GRIK4: variants seen among roughly 807,000 people sequenced by gnomAD.
GRIK4 encodes glutamate ionotropic receptor kainate type subunit 4, also known as glutamate receptor ionotropic, kainate 4.
In GRIK4, 40 loss-of-function variants were observed where a neutral mutation model predicts 104.9. The observed-to-expected ratio is 0.38, with a 90% CI of 0.30 to 0.50. The LOEUF (loss-of-function observed/expected upper bound fraction) is 0.50, where lower values mean the gene tolerates loss of function less well. GRIK4 is among the 20% of genes least tolerant of loss of function. GRIK4 has a pLI of 0.93. For missense variants in GRIK4, 1,047 were observed against 1,308.1 expected (o/e 0.80, Z 3.08); for synonymous variants, 485 against 524.9 (o/e 0.92, Z 1.04).
At chr11:120,730,985 A>G (rs1367811704) in intron 3 of GRIK4, among the ~76,000 whole-genome samples, 1 of 152,162 alleles carries the variant, frequency 6.6e-6, no homozygotes, top group East Asian at 1.9e-4. Flanking sequence ...GTTTTTCCAA[A>G]TGCAAGATCA....
chr11:120,710,184 T>G lies in GRIK4; in HGVS notation c.82+49784T>G, dbSNP rs1319612347. ...AGGTTCCCTGTATTCCAATTAATCT[T>G]TCTAGTAACTCGGAGAAATAGGTAG... is the stretch of plus-strand genomic sequence containing the variant. On this transcript the variant is annotated intron_variant, in intron 3 of 20. Coordinates refer to ENST00000527524, the MANE Select transcript of GRIK4 (RefSeq NM_014619.5). 4.0e-5 allele frequency among the ~76,000 whole-genome samples: 6 copies of G among 150,832 alleles called. No homozygotes were observed. In the East Asian group the frequency reaches 1.2e-3, roughly 29 times the overall value.
At position 120,778,952 on chromosome 11, in the gene GRIK4, G is replaced by A. The variant is rs145606200; in HGVS notation, c.83-23741G>A. On this transcript the variant is annotated intron_variant, in intron 3 of 20. Coordinates refer to ENST00000527524, the MANE Select transcript of GRIK4 (RefSeq NM_014619.5). ...GTGCAGAACTTCTCAGACTCACGGC[G>A]GGGCTCCACATCTCAGGCCCCCTGC... Among the ~76,000 whole-genome samples the A allele has an allele frequency of 6.8e-4, 104 of 152,300 alleles. No individual in the cohort carries two copies. In the East Asian group the frequency reaches 0.012, roughly 17 times the overall value.
intron 1 of GRIK4, among the ~76,000 whole-genome samples, chr11:120,565,891 A>G (rs933243645): frequency 1.3e-5 from 2 of 152,236 alleles, no homozygotes; most frequent in African/African-American, 4.8e-5. Context: ...AAGACAGGAA[A>G]TCTAGGAGAA....
rs1948118948 is a variant in GRIK4 at position 120,549,494 on chromosome 11, C to T, written c.-159+37607C>T. Among the ~76,000 whole-genome samples, 1 of 152,172 alleles carries T rather than the reference C, an allele frequency of 6.6e-6. No homozygotes were observed. Among genetic ancestry groups the T allele is most frequent in the Non-Finnish European group, 1.5e-5 (1 of 68,028 alleles). On this transcript the variant is annotated intron_variant, in intron 1 of 20. Coordinates refer to ENST00000527524, the MANE Select transcript of GRIK4 (RefSeq NM_014619.5). The surrounding 1 kb of genome is among the most constrained non-coding windows in gnomAD (Gnocchi z 4.7). Reference sequence around the variant, plus strand: ...CACACACTAACAAACAAGGAGTGAGCCCTTCACGGGGGGCTGCAGTGGCAC... The same window carrying T: ...CACACACTAACAAACAAGGAGTGAGTCCTTCACGGGGGGCTGCAGTGGCAC...
At chr11:120,801,999 C>G (rs971917431) in intron 3 of GRIK4, among the ~76,000 whole-genome samples, 1 of 152,198 alleles carries the variant, frequency 6.6e-6, no homozygotes, top group Non-Finnish European at 1.5e-5. Flanking sequence ...GGTATTACAC[C>G]ACTGCAGTTG....
intron 12 of GRIK4, among the ~76,000 whole-genome samples, chr11:120,904,619 C>T (rs1324300932): frequency 6.6e-6 from 1 of 152,240 alleles, no homozygotes; most frequent in African/African-American, 2.4e-5. Flanking sequence ...CATCCATCTA[C>T]ATTTCTCCTC....
At position 120,790,219 on chromosome 11, in the gene GRIK4, A is replaced by G. The variant is rs146390005; in HGVS notation, c.83-12474A>G. The stretch of plus-strand genomic sequence containing the variant: ...ATACATCTTATCCTTCTCTGCATAC[A>G]TAGTGCCTTGCTTAAGATAGGTGTT... On this transcript the variant is annotated intron_variant, in intron 3 of 20. Transcript: ENST00000527524. 3.1e-3 allele frequency among the ~76,000 whole-genome samples: 465 copies of G among 152,336 alleles called. 2 individuals are homozygous for G. The highest frequency in any genetic ancestry group is 0.011 in the African/African-American group (449 of 41,550).
At chr11:120,741,775 A>G (rs976174397) in intron 3 of GRIK4, among the ~76,000 whole-genome samples, 3 of 152,216 alleles carry the variant, frequency 2.0e-5, no homozygotes, top group African/African-American at 7.2e-5. Flanking sequence ...TGCACAGGCA[A>G]GCACAGACAC....
chr11:120,787,852 C>CTTT lies in GRIK4; in HGVS notation c.83-14814_83-14812dup, dbSNP rs58523604. Among the ~76,000 whole-genome samples, 511 of 77,044 alleles carry CTTT rather than the reference C, an allele frequency of 6.6e-3. 92 individuals carry two copies. The highest frequency in any genetic ancestry group is 0.021 in the African/African-American group (345 of 16,166). The allele number at this position is 77,044 out of a possible 152,430, so 50.5% of individuals were successfully genotyped here. A position where few individuals can be genotyped will look rare whatever the true frequency, so the allele number is the denominator to read the frequency against. On this transcript the variant is annotated intron_variant, in intron 3 of 20. Coordinates refer to ENST00000527524, the MANE Select transcript of GRIK4 (RefSeq NM_014619.5). ...TTTCTTCTCTTTTTTCTTTTCTTTT[C>CTTT]TTTTTTTTTTTTTTTTTTTTTTTTT...
chr11:120,986,515 ATCT>A lies in GRIK4; in HGVS notation c.*259_*261del, dbSNP rs994681372. 2 of 487,256 alleles carry A rather than the reference ATCT, an allele frequency of 4.1e-6. No individual in the cohort carries two copies. The highest frequency in any genetic ancestry group is 8.4e-5 in the Admixed American group (2 of 23,768). The allele number at this position is 487,256 out of a possible 1,614,324, so 30.2% of individuals were successfully genotyped here. ...CCCTCCCTCCTGGGCACAAGGACCC[ATCT>A]TCTCCCAGTGGGTCTTTCCCTCTCG... On this transcript the variant is annotated 3_prime_UTR_variant, in exon 21 of 21. Coordinates refer to ENST00000527524, the MANE Select transcript of GRIK4 (RefSeq NM_014619.5).
chr11:120,772,749 G>A (rs1043784816), intron 3 of GRIK4, among the ~76,000 whole-genome samples: 1 of 151,898 alleles, frequency 6.6e-6, no homozygotes, highest in African/African-American at 2.4e-5. Flanking sequence ...GAAGAAAGGG[G>A]AAGGAATGGG....
intron 3 of GRIK4, among the ~76,000 whole-genome samples, chr11:120,697,586 G>A (rs1468095274): frequency 6.6e-6 from 1 of 152,206 alleles, no homozygotes; most frequent in African/African-American, 2.4e-5. Flanking sequence ...TTGCACTCCA[G>A]TCTGGGCGAC....
chr11:120,868,021 A>G (rs1954473014), intron 9 of GRIK4: 1 of 152,186 alleles, frequency 6.6e-6, no homozygotes, highest in Non-Finnish European at 1.5e-5. Flanking sequence ...TCCTGGTATT[A>G]TATTGGGGGG....
chr11:120,724,110 A>G (rs978042673), intron 3 of GRIK4, among the ~76,000 whole-genome samples: 7 of 152,172 alleles, frequency 4.6e-5, no homozygotes, highest in African/African-American at 1.4e-4. Context: ...TTTTACAATC[A>G]TCCATGTTGT....
At chr11:120,756,623 C>T (rs930077279) in intron 3 of GRIK4, among the ~76,000 whole-genome samples, 18 of 152,194 alleles carry the variant, frequency 1.2e-4, no homozygotes, top group African/African-American at 4.1e-4. Flanking sequence ...ACCATCACTG[C>T]CTTTTGTCTC....
Position 120,910,735 on chromosome 11 carries a change from G to A in GRIK4, c.1476+5242G>A, listed in dbSNP as rs113027744. Among the ~76,000 whole-genome samples the A allele has an allele frequency of 3.4e-3, 524 of 152,298 alleles. 2 individuals are homozygous for A. The highest frequency in any genetic ancestry group is 0.012 in the African/African-American group (483 of 41,558). On this transcript the variant is annotated intron_variant, in intron 13 of 20. Transcript: ENST00000527524. ...CAAAGATGTCTCTAGACTCAAGGAG[G>A]CCACTCTTTGATAGGGGCCCCATTC...
chr11:120,971,255 T>C (rs1294355640), intron 19 of GRIK4, among the ~76,000 whole-genome samples: 2 of 152,188 alleles, frequency 1.3e-5, no homozygotes, highest in African/African-American at 4.8e-5. Flanking sequence ...TTCCCCCCTA[T>C]AGACAATAAG....
intron 13 of GRIK4, among the ~76,000 whole-genome samples, chr11:120,929,018 C>T (rs1404078797): frequency 1.1e-4 from 13 of 119,560 alleles, no homozygotes; most frequent in South Asian, 5.8e-4. Context: ...TGTGTGTGTG[C>T]GCACATGTGT....
At chr11:120,760,996 A>G (rs2135440204) in intron 3 of GRIK4, among the ~76,000 whole-genome samples, 1 of 152,256 alleles carries the variant, frequency 6.6e-6, no homozygotes, top group East Asian at 1.9e-4. Flanking sequence ...TGGTATTTCT[A>G]GCTCTAGATC....
Sources: allele counts gnomAD v4.1 joint callset (sites outside exome capture counted in the v4.1 genomes callset), GRCh38; gene constraint gnomAD v4.1.1; non-coding constraint Gnocchi (gnomAD v3.1); transcripts MANE v1.5; gene names NCBI Gene and HGNC (gene_info 2026-07-23, HGNC 2026-07-21).